Variants in EPB41L5 observed in about 807,000 individuals in gnomAD.
EPB41L5 encodes band 4.1-like protein 5.
In EPB41L5, 55 loss-of-function variants were observed where a neutral mutation model predicts 106.6. The ratio of observed to expected loss-of-function variants is 0.52; its 90% confidence interval spans 0.42 to 0.65. The LOEUF is 0.65. Among genes scored for constraint, EPB41L5 ranks in the 30% least tolerant of loss-of-function variants. EPB41L5 has a pLI of 0.00. For missense variants in EPB41L5, 871 were observed against 882.1 expected, an observed-to-expected ratio of 0.99 and a Z score of 0.16; for synonymous variants, 297 against 306.7, an observed-to-expected ratio of 0.97 and a Z score of 0.33.
At chr2:120,069,945 A>G (rs1490506116) in intron 3 of EPB41L5, among the ~76,000 whole-genome samples, 3 of 152,164 alleles carry the variant, frequency 2.0e-5, no homozygotes, top group Non-Finnish European at 2.9e-5. Context: ...AAGCTAGCAG[A>G]AGAAATAACT....
At chr2:120,091,730 A>C (rs941799647) in intron 13 of EPB41L5, 69 bp downstream of exon 13, 2 of 1,261,674 alleles carry the variant, frequency 1.6e-6, no homozygotes, top group South Asian at 1.3e-5. Context: ...TGTTGTTTCC[A>C]TAAGAGGAAG....
chr2:120,087,423 C>T (rs563047552), intron 11 of EPB41L5, among the ~76,000 whole-genome samples, 183 bp downstream of exon 11: 1 of 152,154 alleles, frequency 6.6e-6, no homozygotes, highest in South Asian at 2.1e-4. Flanking sequence ...GGTTTTCTGC[C>T]CTTAGGATGA....
intron 21 of EPB41L5, among the ~76,000 whole-genome samples, chr2:120,161,831 A>G (rs1409188758): frequency 1.3e-5 from 2 of 152,146 alleles, no homozygotes; most frequent in Non-Finnish European, 2.9e-5. Context: ...CGAGGGATCT[A>G]GGTTGCTCAC....
chr2:120,118,807 G>A lies in EPB41L5; in HGVS notation c.1338-8881G>A, dbSNP rs546774382. Among the ~76,000 whole-genome samples, 7 of 152,310 alleles carry A rather than the reference G, an allele frequency of 4.6e-5. No individual in the cohort carries two copies. The South Asian group carries it at 1.2e-3, about 27-fold the overall frequency. On this transcript the variant is annotated intron_variant, in intron 16 of 24. Coordinates refer to ENST00000263713, the MANE Select transcript of EPB41L5 (RefSeq NM_020909.4). ...ATAGTGCTGTGATGGACATATGCAT[G>A]CATGTATTTCTACAATGGAAAGATA...
At chr2:120,058,252 CA>C (rs1680792549) in intron 3 of EPB41L5, among the ~76,000 whole-genome samples, 1 of 152,030 alleles carries the variant, frequency 6.6e-6, no homozygotes, top group Non-Finnish European at 1.5e-5. Flanking sequence ...GTGGCATGAT[CA>C]GAGCTCACTG....
chr2:120,049,992 C>T (rs908271397), intron 3 of EPB41L5, among the ~76,000 whole-genome samples: 4 of 152,108 alleles, frequency 2.6e-5, no homozygotes, highest in Non-Finnish European at 5.9e-5. Flanking sequence ...AATATTGGCC[C>T]CCACTGTCTT....
At chr2:120,061,732 A>G (rs1681093866) in intron 3 of EPB41L5, among the ~76,000 whole-genome samples, 1 of 152,226 alleles carries the variant, frequency 6.6e-6, no homozygotes, top group Non-Finnish European at 1.5e-5. Flanking sequence ...ATAACGTGAT[A>G]CTGTATATTA....
chr2:120,127,564 T>C, intron 16 of EPB41L5, 124 bp from the exon 17 acceptor site: 1 of 714,098 alleles, frequency 1.4e-6, no homozygotes, highest in East Asian at 2.7e-5. Flanking sequence ...TTTTGTTTTA[T>C]TTTTGATTCA....
chr2:120,063,952 A>AC (rs1384160585), intron 3 of EPB41L5, among the ~76,000 whole-genome samples: 1 of 152,138 alleles, frequency 6.6e-6, no homozygotes. Flanking sequence ...CAAAAAAAAA[A>AC]AGAAAAAAGA....
At chr2:120,074,047 G>A in intron 4 of EPB41L5, 53 bp from the exon 5 acceptor site, 1 of 1,368,832 alleles carries the variant, frequency 7.3e-7, no homozygotes, top group East Asian at 2.5e-5. Context: ...TGGCTGAAAA[G>A]TATTATTTAA....
At chr2:120,046,126 T>C (rs2105225517) in intron 3 of EPB41L5, among the ~76,000 whole-genome samples, 1 of 152,326 alleles carries the variant, frequency 6.6e-6, no homozygotes, top group East Asian at 1.9e-4. Flanking sequence ...TACGTGTGCA[T>C]GTGTCTTTAT....
intron 3 of EPB41L5, among the ~76,000 whole-genome samples, chr2:120,067,711 C>CTT (rs1170206966): frequency 6.6e-6 from 1 of 152,104 alleles, no homozygotes; most frequent in Non-Finnish European, 1.5e-5. Flanking sequence ...TCTGAAGGTT[C>CTT]TTTTAAAGAG....
chr2:120,150,414 TG>T lies in EPB41L5; in HGVS notation c.1793+4128del, dbSNP rs1431961628. ...ATAGCTCACTGTAACCTTGAACTCC[TG>T]GGCTTAAGTGATCCTCCTGCCTCAG... On this transcript the variant is annotated intron_variant, in intron 20 of 24. Transcript: ENST00000263713. Among the ~76,000 whole-genome samples the T allele has an allele frequency of 3.9e-5, 6 of 152,286 alleles. 1 individual carries two copies. The South Asian group carries it at 1.2e-3, about 32-fold the overall frequency.
chr2:120,146,560 C>T (rs1293792918), intron 20 of EPB41L5, among the ~76,000 whole-genome samples: 1 of 152,200 alleles, frequency 6.6e-6, no homozygotes, highest in Non-Finnish European at 1.5e-5. Flanking sequence ...TTTTCAGTCA[C>T]CTGGTAAGGA....
rs1432902825 is a variant in EPB41L5 at position 120,018,681 on chromosome 2, C to T, written c.-8-396C>T. Among the ~76,000 whole-genome samples, 13 of 151,766 alleles carry T rather than the reference C, an allele frequency of 8.6e-5. No individual in the cohort carries two copies. The East Asian group carries it at 2.1e-3, about 25-fold the overall frequency. ...TTATTTTTTGAGACAGGGTCTTGCTCTGTTGCCTGAGCTGGAATGCAGTGG... is the reference window on the plus strand; with the variant it reads ...TTATTTTTTGAGACAGGGTCTTGCTTTGTTGCCTGAGCTGGAATGCAGTGG... On this transcript the variant is annotated intron_variant, in intron 1 of 24. Coordinates refer to ENST00000263713, the MANE Select transcript of EPB41L5 (RefSeq NM_020909.4).
At chr2:120,166,460 G>GGTT (rs1553516404) in intron 22 of EPB41L5, among the ~76,000 whole-genome samples, 2 of 144,514 alleles carry the variant, frequency 1.4e-5, no homozygotes, top group Non-Finnish European at 1.5e-5. Context: ...GATTTTGTGG[G>GGTT]TTTTTTTTTT....
rs181376299 is a variant in EPB41L5, at chr2:120,071,554, C to T, written c.286-1624C>T. On this transcript the variant is annotated intron_variant, in intron 3 of 24. Coordinates refer to ENST00000263713, the MANE Select transcript of EPB41L5 (RefSeq NM_020909.4). ...TACTACAAGGCTACAGTAACCAAAA[C>T]AACATGGTGCTGCTACTGAAACAGA... Among the ~76,000 whole-genome samples, 280 of 152,310 alleles carry T rather than the reference C, an allele frequency of 1.8e-3. 2 individuals are homozygous for T. Among genetic ancestry groups the T allele is most frequent in the Non-Finnish European group, 3.6e-3 (247 of 68,024 alleles).
chr2:120,014,100 G>A (rs947671481), intron 1 of EPB41L5, among the ~76,000 whole-genome samples: 2 of 152,104 alleles, frequency 1.3e-5, no homozygotes, highest in Non-Finnish European at 2.9e-5. Flanking sequence ...GGGAATACTG[G>A]GACAAAATAT....
chr2:120,022,191 T>C (rs1677979408), intron 2 of EPB41L5, among the ~76,000 whole-genome samples: 1 of 152,222 alleles, frequency 6.6e-6, no homozygotes, highest in South Asian at 2.1e-4. Context: ...TTTTTCCTTT[T>C]TTTAAATTGT....
Sources: allele counts gnomAD v4.1 joint callset (sites outside exome capture counted in the v4.1 genomes callset), GRCh38; gene constraint gnomAD v4.1.1; transcripts MANE v1.5; gene names NCBI Gene and HGNC (gene_info 2026-07-23, HGNC 2026-07-21).